The following PML variants were observed in gnomAD, a reference collection of about 807,000 sequenced individuals.
PML encodes protein PML.
Under a neutral mutation model 65.2 loss-of-function variants are expected in PML, and 28 were observed. That is an observed-to-expected ratio of 0.43 (90% CI 0.32 to 0.59). The LOEUF (loss-of-function observed/expected upper bound fraction) is 0.59. Ranked by LOEUF, PML falls within the 20% of genes least tolerant of loss-of-function variation. The pLI is 0.08. For synonymous variants in PML, 500 were observed against 508.8 expected (o/e 0.98, Z 0.23); for missense variants, 1,021 against 1,203.4 (o/e 0.85, Z 2.24).
Position 74,037,067 on chromosome 15 carries a change from G to T in PML, c.1710+2537G>T. ...GCCTCTGTGCTGCCACCTGGAGACC[G>T]AGATCTGCAGGAGAAAGGCCTGGGA... On this transcript the variant is annotated intron_variant, in intron 7 of 8. Transcript: ENST00000268058. This position sits in a 1 kb window ranked among gnomAD's most constrained non-coding sequence, Gnocchi z 4.2. 1 of 985,436 alleles carries T rather than the reference G, an allele frequency of 1.0e-6. No individual in the cohort carries two copies. Among genetic ancestry groups the T allele is most frequent in the Non-Finnish European group, 1.2e-6 (1 of 829,930 alleles). The allele number at this position is 985,436 out of a possible 1,614,324, so 61.0% of individuals were successfully genotyped here.
intron 2 of PML, among the ~76,000 whole-genome samples, chr15:74,022,457 T>A (rs2070883681): frequency 6.6e-6 from 1 of 152,208 alleles, no homozygotes; most frequent in South Asian, 2.1e-4. Flanking sequence ...AGCAGCCCAG[T>A]CTGGCATTTG....
At position 74,043,392 on chromosome 15, in the gene PML, C is replaced by T; in HGVS notation, c.1861+253C>T. The T allele has an allele frequency of 1.4e-6, 2 of 1,429,650 alleles. No homozygotes were observed. Among genetic ancestry groups the T allele is most frequent in the Non-Finnish European group, 1.8e-6 (2 of 1,097,608 alleles). The allele number at this position is 1,429,650 out of a possible 1,614,324, so 88.6% of individuals were successfully genotyped here. A position where few individuals can be genotyped will look rare whatever the true frequency, so the allele number is the denominator to read the frequency against. On this transcript the variant is annotated intron_variant, in intron 8 of 8. Transcript: ENST00000268058. This position sits in a 1 kb window ranked among gnomAD's most constrained non-coding sequence, Gnocchi z 4.3. Reference sequence around the variant, plus strand: ...GATGCCTCCACAAGTGCACCTCTGACCAGTTCTTCTCTCAGACAGAGAGCC... The same window carrying T: ...GATGCCTCCACAAGTGCACCTCTGATCAGTTCTTCTCTCAGACAGAGAGCC...
chr15:74,005,116 G>A (rs566176280), intron 2 of PML, among the ~76,000 whole-genome samples: 52 of 151,992 alleles, frequency 3.4e-4, no homozygotes, highest in Non-Finnish European at 6.2e-4. Context: ...GCAATGGCAC[G>A]ATCTCGGCTC....
Position 74,033,271 on chromosome 15 carries a change from C to A in PML, c.1514C>A (p.Ser505Tyr). Residue 505 changes from serine (S) to tyrosine (Y), a missense_variant, in exon 6 of 9, where the codon TCC (serine) becomes TAC (tyrosine). Physicochemically the swap from Ser to Tyr is moderately radical, Grantham distance 144 (BLOSUM62 -2). Coordinates refer to ENST00000268058, the MANE Select transcript of PML (RefSeq NM_033238.3). ...EGKEARLARS[S>Y]PEQPRPSTSK... ...AAGGAGGCAAGGTTGGCTCGGAGCT[C>A]CCCGGAGCAGCCCAGGCCCAGCACC... 6.2e-7 allele frequency: 1 copy of A among 1,614,200 alleles called. No homozygotes were observed. The highest frequency in any genetic ancestry group is 1.1e-5 in the South Asian group (1 of 91,086).
chr15:74,041,653 A>G (rs2071699629), intron 7 of PML: 1 of 152,262 alleles, frequency 6.6e-6, no homozygotes, highest in African/African-American at 2.4e-5. Context: ...AGTGAAATCC[A>G]GCCACTCCTA....
intron 2 of PML, among the ~76,000 whole-genome samples, chr15:74,007,310 G>C (rs2070108634): frequency 6.6e-6 from 1 of 152,194 alleles, no homozygotes; most frequent in Admixed American, 6.5e-5. Flanking sequence ...ATATGCCAAA[G>C]TGGCATATTT....
At position 74,033,318 on chromosome 15, in the gene PML, C is replaced by G. The variant is rs1463802797; in HGVS notation, c.1561C>G (p.His521Asp). 2 of 1,614,204 alleles carry G rather than the reference C, an allele frequency of 1.2e-6. No individual in the cohort carries two copies. Among genetic ancestry groups the G allele is most frequent in the Non-Finnish European group, 8.5e-7 (1 of 1,180,032 alleles). ...CACCTCCAAGGCAGTCTCACCACCCCACCTGGATGGACCGCCTAGCCCCAG... is the reference window on the plus strand; with the variant it reads ...CACCTCCAAGGCAGTCTCACCACCCGACCTGGATGGACCGCCTAGCCCCAG... Reference protein sequence around the residue: ...PSTSKAVSPPHLDGPPSPRSP... With the variant: ...PSTSKAVSPPDLDGPPSPRSP... Residue 521 changes from histidine (H) to aspartate (D), a missense_variant, in exon 6 of 9, where the codon CAC becomes GAC. Transcript: ENST00000268058.
chr15:74,006,688 A>T (rs1044595054), intron 2 of PML, among the ~76,000 whole-genome samples: 1 of 152,186 alleles, frequency 6.6e-6, no homozygotes, highest in Non-Finnish European at 1.5e-5. Context: ...GTAATTTGTA[A>T]AGAAAAGAGG....
chr15:74,046,360 C>T lies in PML; in HGVS notation c.*1352C>T, dbSNP rs142503994. 2.7e-4 allele frequency: 62 copies of T among 233,342 alleles called. No individual in the cohort carries two copies. The highest frequency in any genetic ancestry group is 4.2e-4 in the Non-Finnish European group (49 of 118,050). The allele number at this position is 233,342 out of a possible 1,614,324, so 14.5% of individuals were successfully genotyped here. On this transcript the variant is annotated 3_prime_UTR_variant, in exon 9 of 9. Transcript: ENST00000268058. Reference sequence around the variant, plus strand: ...CTCCTCCCTCCTTCCCATCCCTACTCATTAGCTCCCTGCTCCTGGGATGCT... The same window carrying T: ...CTCCTCCCTCCTTCCCATCCCTACTTATTAGCTCCCTGCTCCTGGGATGCT...
intron 8 of PML, 54 bp from the exon 9 acceptor site, chr15:74,044,167 C>T (rs2071743860): frequency 1.9e-6 from 3 of 1,583,258 alleles, no homozygotes; most frequent in African/African-American, 1.3e-5. Context: ...CCTGCTCCCA[C>T]CCCAGAGCTC....
intron 5 of PML, 95 bp from the exon 6 acceptor site, chr15:74,033,061 C>A: frequency 1.4e-6 from 2 of 1,379,758 alleles, no homozygotes; most frequent in Non-Finnish European, 2.1e-6. Flanking sequence ...ACAGCAGGAG[C>A]AAAAGGGTGG....
chr15:74,042,592 C>T lies in PML; in HGVS notation c.1711-397C>T. The T allele has an allele frequency of 1.0e-6, 1 of 985,434 alleles. No homozygotes were observed. The highest frequency in any genetic ancestry group is 1.7e-5 in the African/African-American group (1 of 57,360). The allele number at this position is 985,434 out of a possible 1,614,324, so 61.0% of individuals were successfully genotyped here. Reference sequence around the variant, plus strand: ...CTGAGCCTCCATAAGCAGCACAGCACACTCATGCACACACCCACTGGCATT... The same window carrying T: ...CTGAGCCTCCATAAGCAGCACAGCATACTCATGCACACACCCACTGGCATT... On this transcript the variant is annotated intron_variant, in intron 7 of 8. Coordinates refer to ENST00000268058, the MANE Select transcript of PML (RefSeq NM_033238.3). This position sits in a 1 kb window ranked among gnomAD's most constrained non-coding sequence, Gnocchi z 5.3.
At position 74,043,338 on chromosome 15, in the gene PML, A is replaced by T; in HGVS notation, c.1861+199A>T. On this transcript the variant is annotated intron_variant, in intron 8 of 8. Transcript: ENST00000268058. This position sits in a 1 kb window ranked among gnomAD's most constrained non-coding sequence, Gnocchi z 4.3. ...TGGCTTGAATAAAGATGTCCGCCTT[A>T]TCCAGTGCCTGAGTGTGCGAGAGAG... The T allele has an allele frequency of 6.9e-7, 1 of 1,457,818 alleles. No homozygotes were observed. Among genetic ancestry groups the T allele is most frequent in the Non-Finnish European group, 9.0e-7 (1 of 1,112,672 alleles). 90.3% of individuals were successfully genotyped at this position (1,457,818 alleles called of 1,614,324 possible). A position where few individuals can be genotyped will look rare whatever the true frequency, so the allele number is the denominator to read the frequency against.
chr15:73,995,237 C>T (rs2069421898), intron 1 of PML, among the ~76,000 whole-genome samples: 1 of 152,228 alleles, frequency 6.6e-6, no homozygotes, highest in African/African-American at 2.4e-5. Context: ...GGCCCTTCCG[C>T]CCACCCTCGA....
chr15:74,013,330 TG>T (rs908324414), intron 2 of PML, among the ~76,000 whole-genome samples: 4 of 152,124 alleles, frequency 2.6e-5, no homozygotes, highest in African/African-American at 9.7e-5. Context: ...CCATTTAGGG[TG>T]GGGGAACTTA....
Position 74,044,561 on chromosome 15 carries a change from G to A in PML, c.2202G>A (p.Leu734=), listed in dbSNP as rs372408417. Residue 734 remains leucine (L), a synonymous_variant, in exon 9 of 9, where the codon CTG becomes CTA. Coordinates refer to ENST00000268058, the MANE Select transcript of PML (RefSeq NM_033238.3). ...FKLKNLAQTY[L]ARNMSERSAM... ...TCAAGAACCTGGCCCAGACCTACCT[G>A]GCGAGAAACATGAGCGAGCGCAGCG... 5.6e-6 allele frequency: 9 copies of A among 1,612,668 alleles called. No individual in the cohort carries two copies. The East Asian group carries it at 1.6e-4, about 28-fold the overall frequency.
In PML at chr15:74,014,232, G is replaced by A. The variant is rs562575621; in HGVS notation, c.603-8596G>A. Among the ~76,000 whole-genome samples the A allele has an allele frequency of 7.9e-5, 12 of 152,354 alleles. No individual in the cohort carries two copies. In the South Asian group the frequency reaches 2.5e-3, roughly 32 times the overall value. Reference sequence around the variant, plus strand: ...AATAATTGAGGCAAGAACAGAGGCAGTAGCAGTGGGAACTGCTGGGACAGG... The same window carrying A: ...AATAATTGAGGCAAGAACAGAGGCAATAGCAGTGGGAACTGCTGGGACAGG... On this transcript the variant is annotated intron_variant, in intron 2 of 8. Coordinates refer to ENST00000268058, the MANE Select transcript of PML (RefSeq NM_033238.3).
intron 7 of PML, chr15:74,034,866 A>G: frequency 7.0e-7 from 1 of 1,437,758 alleles, no homozygotes; most frequent in Non-Finnish European, 9.1e-7. Context: ...AGGGCTGGAC[A>G]AGAATCCATT....
At chr15:74,023,830 C>T (rs1399064329) in intron 3 of PML, among the ~76,000 whole-genome samples, 1 of 152,138 alleles carries the variant, frequency 6.6e-6, no homozygotes, top group East Asian at 1.9e-4. Flanking sequence ...CTAAGAAAAC[C>T]TCCTGGGGAT....
Sources: allele counts gnomAD v4.1 joint callset (sites outside exome capture counted in the v4.1 genomes callset), GRCh38; gene constraint gnomAD v4.1.1; non-coding constraint Gnocchi (gnomAD v3.1); transcripts MANE v1.5; gene names NCBI Gene and HGNC (gene_info 2026-07-23, HGNC 2026-07-21).